The following MYO3B variants were observed in gnomAD, a reference collection of about 807,000 sequenced individuals.
MYO3B encodes the protein myosin IIIB, also known as myosin-IIIb.
MYO3B carries 156 observed loss-of-function variants against 174.6 expected under a neutral mutation model. The observed-to-expected ratio is 0.89, with a 90% CI of 0.78 to 1.02. MYO3B has a LOEUF of 1.02. Ranked by LOEUF, MYO3B falls within the 50% of genes least tolerant of loss-of-function variation. MYO3B has a pLI of 0.00. For missense variants in MYO3B, 1,632 were observed against 1,639.4 expected (o/e 1.00, Z 0.08); for synonymous variants, 563 against 569.1 (o/e 0.99, Z 0.15).
chr2:170,283,770 AATTGGCAGTTTAT>A (rs2093532337), intron 7 of MYO3B, among the ~76,000 whole-genome samples: 1 of 152,212 alleles, frequency 6.6e-6, no homozygotes, highest in South Asian at 2.1e-4. Context: ...CTCTGGTTGA[AATTGGCAGTTTAT>A]ATTGGCACTT....
At chr2:170,597,401 C>A (rs1694223069) in intron 32 of MYO3B, among the ~76,000 whole-genome samples, 1 of 151,518 alleles carries the variant, frequency 6.6e-6, no homozygotes, top group Non-Finnish European at 1.5e-5. Flanking sequence ...AGAAGCCCTG[C>A]CGAGCTGGTG....
In MYO3B at chr2:170,392,418, A is replaced by G. The variant is rs376020126; in HGVS notation, c.1714A>G (p.Ile572Val). The change falls in exon 16 of 35, where the codon ATA becomes GTA. Residue 572 changes from isoleucine (I) to valine (V), a missense_variant. By Grantham distance (29) the Ile-to-Val change is conservative. Coordinates refer to ENST00000408978, the MANE Select transcript of MYO3B (RefSeq NM_138995.5). ...ADETGRVMHDITSKESYRRQF... is the reference protein window; with the variant it reads ...ADETGRVMHDVTSKESYRRQF... ...TGAAACTGGAAGGGTGATGCACGAC[A>G]TAACTTCCAAGGAGTCTTACAGAAG... The G allele has an allele frequency of 3.7e-6, 6 of 1,602,306 alleles. No individual in the cohort carries two copies. In the Admixed American group the frequency reaches 5.1e-5, roughly 13 times the overall value.
In MYO3B at chr2:170,318,740, T is replaced by C. The variant is rs138566793; in HGVS notation, c.750-16645T>C. On this transcript the variant is annotated intron_variant, in intron 7 of 34. Transcript: ENST00000408978. ...CTGTGGTGCTGTAATTCTGAGTTGT[T>C]AGTGTGGGTTGGAGCTTGATGACAA... Among the ~76,000 whole-genome samples the C allele has an allele frequency of 2.2e-3, 330 of 152,258 alleles. 2 individuals are homozygous for C. In the Middle Eastern group the frequency reaches 0.024, roughly 11 times the overall value.
chr2:170,540,144 A>G (rs1330795221), intron 30 of MYO3B, among the ~76,000 whole-genome samples: 1 of 152,084 alleles, frequency 6.6e-6, no homozygotes, highest in Non-Finnish European at 1.5e-5. Flanking sequence ...CAATATAGTG[A>G]GACTTCATCT....
At chr2:170,637,389 T>C (rs1575314882) in intron 32 of MYO3B, among the ~76,000 whole-genome samples, 1 of 152,040 alleles carries the variant, frequency 6.6e-6, no homozygotes, top group South Asian at 2.1e-4. Context: ...GACAGGCTGG[T>C]CTTAAACTCC....
intron 32 of MYO3B, among the ~76,000 whole-genome samples, chr2:170,584,991 C>G (rs981190620): frequency 2.6e-5 from 4 of 152,214 alleles, no homozygotes; most frequent in African/African-American, 4.8e-5. Context: ...TTATTCCTCT[C>G]ATGCAGCAGT....
chr2:170,178,235 G>A lies in MYO3B; in HGVS notation c.-53G>A, dbSNP rs2092355561. ...GGCCTGAAGTGTTCTGCTGGTTTTTGGAGGAATGAGAATCCAATCTCTCAT... is the reference window on the plus strand; with the variant it reads ...GGCCTGAAGTGTTCTGCTGGTTTTTAGAGGAATGAGAATCCAATCTCTCAT... On this transcript the variant is annotated 5_prime_UTR_variant, in exon 1 of 35. Coordinates refer to ENST00000408978, the MANE Select transcript of MYO3B (RefSeq NM_138995.5). 2 of 1,612,976 alleles carry A rather than the reference G, an allele frequency of 1.2e-6. No homozygotes were observed. The highest frequency in any genetic ancestry group is 1.7e-6 in the Non-Finnish European group (2 of 1,178,930).
intron 13 of MYO3B, among the ~76,000 whole-genome samples, chr2:170,386,565 C>T (rs2094377079): frequency 6.6e-6 from 1 of 151,956 alleles, no homozygotes; most frequent in African/African-American, 2.4e-5. Flanking sequence ...AATGGTTAAG[C>T]ACTAGGAACA....
chr2:170,207,479 C>G (rs543793923), intron 3 of MYO3B, among the ~76,000 whole-genome samples: 56 of 152,250 alleles, frequency 3.7e-4, no homozygotes, highest in African/African-American at 1.3e-3. Context: ...AAAAGCCCAA[C>G]TGGTAAAAAA....
intron 3 of MYO3B, among the ~76,000 whole-genome samples, chr2:170,207,351 G>C (rs1169005219): frequency 6.6e-6 from 1 of 152,258 alleles, no homozygotes; most frequent in African/African-American, 2.4e-5. Flanking sequence ...TGTCATGAAG[G>C]TGAGAAAGAG....
At position 170,194,931 on chromosome 2, in the gene MYO3B, G is replaced by A. The variant is rs114391361; in HGVS notation, c.3-4277G>A. Among the ~76,000 whole-genome samples the A allele has an allele frequency of 9.7e-3, 1,483 of 152,182 alleles. 14 individuals carry two copies. The highest frequency in any genetic ancestry group is 0.041 in the Middle Eastern group (12 of 294). ...AAGAACTTGGAGTCTGATGTTTGAG[G>A]GTAGGAAGCATCCAGCACAACAGAA... On this transcript the variant is annotated intron_variant, in intron 1 of 34. Coordinates refer to ENST00000408978, the MANE Select transcript of MYO3B (RefSeq NM_138995.5).
intron 1 of MYO3B, among the ~76,000 whole-genome samples, chr2:170,182,769 C>T (rs2092417512): frequency 6.6e-6 from 1 of 151,688 alleles, no homozygotes; most frequent in Non-Finnish European, 1.5e-5. Flanking sequence ...CTGCACCACA[C>T]CCGGCTAAGT....
chr2:170,516,460 A>G (rs1339251993), intron 29 of MYO3B, among the ~76,000 whole-genome samples: 1 of 151,878 alleles, frequency 6.6e-6, no homozygotes, highest in African/African-American at 2.4e-5. Flanking sequence ...GCTAACACAC[A>G]ATGAAACCCC....
chr2:170,300,122 A>C (rs1044657588), intron 7 of MYO3B, among the ~76,000 whole-genome samples: 5 of 152,250 alleles, frequency 3.3e-5, no homozygotes, highest in African/African-American at 9.6e-5. Flanking sequence ...GATGCTCAGT[A>C]TTCTGGCTTT....
chr2:170,432,114 G>A (rs973756627), intron 22 of MYO3B, among the ~76,000 whole-genome samples: 3 of 152,118 alleles, frequency 2.0e-5, no homozygotes, highest in African/African-American at 7.2e-5. Flanking sequence ...GCTATAGTAG[G>A]CTTTTAAGTT....
At chr2:170,501,691 C>T (rs934022570) in intron 27 of MYO3B, 94 bp from the exon 28 acceptor site, 13 of 765,558 alleles carry the variant, frequency 1.7e-5, no homozygotes, top group Admixed American at 4.3e-5. Flanking sequence ...GAGGATGAGA[C>T]GGGCAATAGG....
chr2:170,448,090 A>T (rs1282196482), intron 23 of MYO3B, among the ~76,000 whole-genome samples: 1 of 152,194 alleles, frequency 6.6e-6, no homozygotes, highest in Non-Finnish European at 1.5e-5. Flanking sequence ...CTTGACTCCT[A>T]TACCATAATT....
chr2:170,391,825 G>A (rs2094413936), intron 15 of MYO3B, among the ~76,000 whole-genome samples: 1 of 151,750 alleles, frequency 6.6e-6, no homozygotes, highest in South Asian at 2.1e-4. Flanking sequence ...TTTTTTTTCA[G>A]CCATTTGCAT....
intron 32 of MYO3B, among the ~76,000 whole-genome samples, chr2:170,649,075 A>ATATATAAAATAATATATAATG (rs1221558762): frequency 4.0e-4 from 22 of 54,464 alleles, no homozygotes; most frequent in Non-Finnish European, 5.6e-4. Context: ...AATGTATATT[A>ATATATAAAATAATATATAATG]TATATAAAAT....
Sources: allele counts gnomAD v4.1 joint callset (sites outside exome capture counted in the v4.1 genomes callset), GRCh38; gene constraint gnomAD v4.1.1; transcripts MANE v1.5; gene names NCBI Gene and HGNC (gene_info 2026-07-23, HGNC 2026-07-21).